KCNJ15: variants seen among roughly 807,000 people sequenced by gnomAD.
The protein encoded by KCNJ15 is ATP-sensitive inward rectifier potassium channel 15.
KCNJ15 carries 14 observed loss-of-function variants against 23.0 expected under a neutral mutation model. That is an observed-to-expected ratio of 0.61 (90% CI 0.40 to 0.95). The LOEUF is 0.95. Ranked by LOEUF, KCNJ15 falls within the 40% of genes least tolerant of loss-of-function variation. KCNJ15 has a pLI of 0.00. For synonymous variants in KCNJ15, 185 were observed against 183.2 expected (o/e 1.01, Z -0.08); for missense variants, 388 against 461.8 (o/e 0.84, Z 1.46).
chr21:38,237,803 A>C (rs1213489289), intron 1 of KCNJ15, among the ~76,000 whole-genome samples: 2 of 152,172 alleles, frequency 1.3e-5, no homozygotes, highest in Admixed American at 6.5e-5. Flanking sequence ...CAAGAGGAAA[A>C]CCATGAGAAG....
chr21:38,281,079 A>G (rs1983286054), intron 1 of KCNJ15, among the ~76,000 whole-genome samples: 1 of 152,130 alleles, frequency 6.6e-6, no homozygotes, highest in African/African-American at 2.4e-5. Context: ...AAATTCTCAG[A>G]CCTACTGCAG....
intron 1 of KCNJ15, 23 bp downstream of exon 1, chr21:38,257,208 G>T (rs1980340247): frequency 6.6e-6 from 1 of 152,272 alleles, no homozygotes; most frequent in Admixed American, 6.6e-5. Context: ...CGGCGCTTAT[G>T]TTAACTCTGG....
In KCNJ15 at chr21:38,302,007, CACATGCACACACACAT is replaced by C. The variant is rs767796466; in HGVS notation, c.*1621_*1636del. On this transcript the variant is annotated 3_prime_UTR_variant, in exon 3 of 3. Transcript: ENST00000398938. Reference sequence around the variant, plus strand: ...GCACACACGCGCGTGCACACACGCACACATGCACACACACATACGCACACGTAAACACATGCACACA... The same window carrying C: ...GCACACACGCGCGTGCACACACGCACACGCACACGTAAACACATGCACACA... The C allele has an allele frequency of 3.3e-5, 5 of 149,604 alleles. No homozygotes were observed. The highest frequency in any genetic ancestry group is 7.5e-5 in the Non-Finnish European group (5 of 66,970). The allele number at this position is 149,604 out of a possible 1,614,324, so 9.3% of individuals were successfully genotyped here.
rs375922029 is a variant in KCNJ15, at chr21:38,232,539, G to A, written c.-398-24507G>A. On this transcript the variant is annotated intron_variant, in intron 1 of 4. Transcript: ENST00000547341. ...GCAGTGTCTTAAGGTGGAAGTTTGG[G>A]TAATTGATTTGAGGTCTTTCTTCTT... is the stretch of plus-strand genomic sequence containing the variant. 1.1e-4 allele frequency among the ~76,000 whole-genome samples: 16 copies of A among 151,880 alleles called. No individual in the cohort carries two copies. In the East Asian group the frequency reaches 1.7e-3, roughly 16 times the overall value.
At chr21:38,266,007 T>C (rs970731287) in intron 1 of KCNJ15, among the ~76,000 whole-genome samples, 1 of 152,084 alleles carries the variant, frequency 6.6e-6, no homozygotes, top group Admixed American at 6.6e-5. Context: ...AGGTCGGCAG[T>C]GTGCACAGGG....
chr21:38,306,530 G>T lies in KCNJ15; in HGVS notation c.*6141G>T, dbSNP rs144749226. 3.4e-3 allele frequency: 515 copies of T among 152,280 alleles called. 1 individual carries two copies. The highest frequency in any genetic ancestry group is 0.012 in the African/African-American group (503 of 41,550). 9.4% of individuals were successfully genotyped at this position (152,280 alleles called of 1,614,324 possible). On this transcript the variant is annotated 3_prime_UTR_variant, in exon 3 of 3. Coordinates refer to ENST00000398938, the MANE Select transcript of KCNJ15 (RefSeq NM_170736.3). ...AAAGGGAAGATTTTTTTCATTCACT[G>T]TAGTTTTAGCTGTATTCTTTCATCT...
chr21:38,272,233 T>G (rs1982174909), intron 1 of KCNJ15: 2 of 152,360 alleles, frequency 1.3e-5, no homozygotes, highest in South Asian at 4.1e-4. Flanking sequence ...TATAAATACC[T>G]TAATGATGCC....
At chr21:38,275,937 C>A (rs995679001) in intron 1 of KCNJ15, among the ~76,000 whole-genome samples, 1 of 152,006 alleles carries the variant, frequency 6.6e-6, no homozygotes, top group Non-Finnish European at 1.5e-5. Flanking sequence ...TCCTTAATAC[C>A]TTTTAATATA....
rs188932651 is a variant in KCNJ15 at position 38,288,142 on chromosome 21, G to A, written c.-116-8784G>A. 8.9e-3 allele frequency among the ~76,000 whole-genome samples: 1,256 copies of A among 141,374 alleles called. 20 individuals are homozygous for A. The highest frequency in any genetic ancestry group is 0.032 in the African/African-American group (1,216 of 37,900). The allele number at this position is 141,374 out of a possible 152,430, so 92.7% of individuals were successfully genotyped here. A position where few individuals can be genotyped will look rare whatever the true frequency, so the allele number is the denominator to read the frequency against. The stretch of plus-strand genomic sequence containing the variant: ...TGCAAGCTCCACTTCCCGGGTTCAC[G>A]CCATTCTCCTGCCTCAGCCTCCCGA... On this transcript the variant is annotated intron_variant, in intron 1 of 2. Transcript: ENST00000398938.
intron 1 of KCNJ15, among the ~76,000 whole-genome samples, chr21:38,250,184 G>C (rs1160894220): frequency 2.6e-5 from 4 of 152,158 alleles, no homozygotes; most frequent in Non-Finnish European, 5.9e-5. Flanking sequence ...GAAAAACCTA[G>C]TTGTTTACCC....
intron 1 of KCNJ15, among the ~76,000 whole-genome samples, chr21:38,284,783 A>T (rs1403434059): frequency 6.6e-6 from 1 of 152,122 alleles, no homozygotes; most frequent in African/African-American, 2.4e-5. Flanking sequence ...CCTACTCAAT[A>T]TCCTCCTCGT....
At chr21:38,269,412 C>G (rs1049272578) in intron 1 of KCNJ15, among the ~76,000 whole-genome samples, 1 of 152,278 alleles carries the variant, frequency 6.6e-6, no homozygotes, top group East Asian at 1.9e-4. Flanking sequence ...GGGTTTGCCT[C>G]TATGAACAAC....
chr21:38,262,683 CT>C (rs376137670), intron 1 of KCNJ15, among the ~76,000 whole-genome samples: 10,270 of 145,562 alleles, frequency 0.071, 464 homozygotes, highest in Middle Eastern at 0.13. Flanking sequence ...CATCTGACAT[CT>C]TTTTTTTTTT....
At chr21:38,247,137 GATGGATGGATGGATGC>G (rs1979453253) in intron 1 of KCNJ15, among the ~76,000 whole-genome samples, 1 of 115,064 alleles carries the variant, frequency 8.7e-6, no homozygotes, top group African/African-American at 4.0e-5. Flanking sequence ...TGCATGGATG[GATGGATGGATGGATGC>G]ATGGATGTAT....
chr21:38,262,683 C>CTT (rs376137670), intron 1 of KCNJ15, among the ~76,000 whole-genome samples: 1 of 146,012 alleles, frequency 6.8e-6, no homozygotes. Context: ...CATCTGACAT[C>CTT]TTTTTTTTTT....
chr21:38,234,559 G>A (rs1978476270), intron 1 of KCNJ15, among the ~76,000 whole-genome samples: 1 of 152,158 alleles, frequency 6.6e-6, no homozygotes. Flanking sequence ...AAGCCTAAAG[G>A]AACTTTCCAA....
At chr21:38,280,018 A>G (rs1349062650) in intron 1 of KCNJ15, among the ~76,000 whole-genome samples, 1 of 152,140 alleles carries the variant, frequency 6.6e-6, no homozygotes, top group Non-Finnish European at 1.5e-5. Context: ...AAACTGGGGA[A>G]CAACTCCCCT....
At chr21:38,246,574 A>G (rs549711534) in intron 1 of KCNJ15, among the ~76,000 whole-genome samples, 1 of 152,344 alleles carries the variant, frequency 6.6e-6, no homozygotes, top group African/African-American at 2.4e-5. Flanking sequence ...AATGCTAGTT[A>G]AGATTAGTGT....
intron 1 of KCNJ15, among the ~76,000 whole-genome samples, chr21:38,247,350 G>GTGGATGGA (rs143175330): frequency 5.9e-5 from 8 of 135,196 alleles, no homozygotes; most frequent in South Asian, 2.3e-4. Context: ...AGATGCATAG[G>GTGGATGGA]TGGATGGATG....
Sources: gnomAD v4.1 joint callset for allele counts (sites outside exome capture counted in the v4.1 genomes callset) on GRCh38, gnomAD v4.1.1 for gene constraint, MANE v1.5 for transcripts, NCBI Gene and HGNC (gene_info 2026-07-23, HGNC 2026-07-21) for gene names.